The following LAPTM4B variants were observed in gnomAD, a reference collection of about 807,000 sequenced individuals.
LAPTM4B encodes the protein lysosomal-associated transmembrane protein 4B.
In LAPTM4B, 26 loss-of-function variants were observed where a neutral mutation model predicts 28.5. The observed-to-expected ratio is 0.91, with a 90% CI of 0.67 to 1.27. LAPTM4B has a LOEUF of 1.27. Among genes scored for constraint, LAPTM4B ranks in the 50% most tolerant of loss-of-function variants. The pLI, the probability that LAPTM4B is intolerant of heterozygous loss-of-function variation, is 0.00. For missense variants in LAPTM4B, 288 were observed against 285.8 expected (o/e 1.01, Z -0.06); for synonymous variants, 109 against 106.4 (o/e 1.02, Z -0.15).
intron 6 of LAPTM4B, among the ~76,000 whole-genome samples, chr8:97,842,717 C>T (rs1285237414): frequency 1.3e-5 from 2 of 151,936 alleles, no homozygotes; most frequent in Admixed American, 6.6e-5. Flanking sequence ...CGGAGTTTCA[C>T]CATATTGGCC....
intron 2 of LAPTM4B, among the ~76,000 whole-genome samples, chr8:97,810,484 C>A (rs192539613): frequency 2.0e-5 from 3 of 152,108 alleles, no homozygotes; most frequent in African/African-American, 7.2e-5. Context: ...GAAGGGTATA[C>A]GTGAATTCTG....
At chr8:97,815,960 T>A in intron 3 of LAPTM4B, 98 bp from the exon 4 acceptor site, 1 of 1,222,182 alleles carries the variant, frequency 8.2e-7, no homozygotes, top group Non-Finnish European at 1.1e-6. Context: ...ATTCCAATTT[T>A]TCCATTTCCT....
chr8:97,851,294 T>A, intron 6 of LAPTM4B, 103 bp from the exon 7 acceptor site: 1 of 916,484 alleles, frequency 1.1e-6, no homozygotes, highest in South Asian at 1.4e-5. Context: ...TTGGTACAAG[T>A]TGTGGAACAT....
chr8:97,790,517 G>A (rs1816481862), intron 1 of LAPTM4B, among the ~76,000 whole-genome samples: 1 of 151,814 alleles, frequency 6.6e-6, no homozygotes, highest in South Asian at 2.1e-4. Context: ...TCACTATGTT[G>A]GCCAGGCTGG....
At chr8:97,829,649 G>C (rs1307625642) in intron 6 of LAPTM4B, among the ~76,000 whole-genome samples, 3 of 151,914 alleles carry the variant, frequency 2.0e-5, no homozygotes, top group Non-Finnish European at 4.4e-5. Flanking sequence ...CAGCCTGTTA[G>C]TATGAGATAT....
chr8:97,830,357 G>A (rs907458564), intron 6 of LAPTM4B, among the ~76,000 whole-genome samples: 1 of 152,122 alleles, frequency 6.6e-6, no homozygotes, highest in Non-Finnish European at 1.5e-5. Flanking sequence ...TCCACTCTAG[G>A]AGAGAGTTAA....
chr8:97,832,522 T>C (rs1487099242), intron 6 of LAPTM4B, among the ~76,000 whole-genome samples: 1 of 152,158 alleles, frequency 6.6e-6, no homozygotes, highest in South Asian at 2.1e-4. Flanking sequence ...AATGAGCCAT[T>C]TTTTAAAATT....
chr8:97,818,348 G>C (rs959190725), intron 4 of LAPTM4B, among the ~76,000 whole-genome samples: 1 of 117,710 alleles, frequency 8.5e-6, no homozygotes, highest in African/African-American at 2.9e-5. Flanking sequence ...ACATAGTGTT[G>C]AATGGTGAAG....
intron 1 of LAPTM4B, among the ~76,000 whole-genome samples, chr8:97,796,984 C>T (rs117591590): frequency 1.7e-3 from 262 of 151,886 alleles, no homozygotes; most frequent in Non-Finnish European, 2.1e-3. Flanking sequence ...AAGAAATGGC[C>T]GGGTACAATG....
intron 1 of LAPTM4B, among the ~76,000 whole-genome samples, chr8:97,778,457 C>A (rs1816260115): frequency 1.3e-5 from 2 of 152,022 alleles, no homozygotes. Context: ...CAGCCCCTTA[C>A]CCACCCGCTT....
intron 3 of LAPTM4B, 54 bp from the exon 4 acceptor site, chr8:97,816,004 A>G: frequency 6.8e-7 from 1 of 1,478,464 alleles, no homozygotes; most frequent in Non-Finnish European, 9.1e-7. Context: ...ATTTAAGAAA[A>G]ATATTGTTTT....
intron 1 of LAPTM4B, among the ~76,000 whole-genome samples, chr8:97,785,626 AT>A (rs1341232681): frequency 6.6e-6 from 1 of 152,222 alleles, no homozygotes; most frequent in Non-Finnish European, 1.5e-5. Flanking sequence ...TTATAAGTGC[AT>A]TTTTAAAGAC....
rs561329470 is a variant in LAPTM4B, at chr8:97,838,732, C to A, written c.604-12665C>A. On this transcript the variant is annotated intron_variant, in intron 6 of 6. Coordinates refer to ENST00000521545, the MANE Select transcript of LAPTM4B (RefSeq NM_018407.6). ...CAGGATGAGGAGTGAAACATGTGGACACTTTTTCATTCAGACAGTTCTTCT... is the reference window on the plus strand; with the variant it reads ...CAGGATGAGGAGTGAAACATGTGGAAACTTTTTCATTCAGACAGTTCTTCT... Among the ~76,000 whole-genome samples, 14 of 152,266 alleles carry A rather than the reference C, an allele frequency of 9.2e-5. No homozygotes were observed. In the East Asian group the frequency reaches 2.7e-3, roughly 29 times the overall value.
At chr8:97,840,591 A>G (rs533742619) in intron 6 of LAPTM4B, among the ~76,000 whole-genome samples, 3 of 152,016 alleles carry the variant, frequency 2.0e-5, no homozygotes, top group South Asian at 4.1e-4. Context: ...CAATAGCACT[A>G]TTATTTTAGG....
At position 97,840,868 on chromosome 8, in the gene LAPTM4B, A is replaced by G. The variant is rs560107108; in HGVS notation, c.604-10529A>G. Among the ~76,000 whole-genome samples, 3 of 147,410 alleles carry G rather than the reference A, an allele frequency of 2.0e-5. No individual in the cohort carries two copies. In the East Asian group the frequency reaches 6.1e-4, roughly 30 times the overall value. ...GGCAGAGGCGCTCCTCACTTCCCAG[A>G]CGGTGGGTAGCTGGGCAGAGGCGCT... On this transcript the variant is annotated intron_variant, in intron 6 of 6. Transcript: ENST00000521545.
chr8:97,819,854 C>T (rs929074301), intron 5 of LAPTM4B, among the ~76,000 whole-genome samples: 1 of 151,424 alleles, frequency 6.6e-6, no homozygotes, highest in Non-Finnish European at 1.5e-5. Context: ...CTTGCCTCAG[C>T]CTCCCCAGTA....
chr8:97,790,710 T>G (rs971058840), intron 1 of LAPTM4B, among the ~76,000 whole-genome samples: 2 of 152,122 alleles, frequency 1.3e-5, no homozygotes, highest in African/African-American at 4.8e-5. Flanking sequence ...CTTCTCAAAG[T>G]GTTGGACTAT....
intron 6 of LAPTM4B, among the ~76,000 whole-genome samples, chr8:97,843,717 T>G (rs1346676059): frequency 2.0e-5 from 3 of 151,752 alleles, no homozygotes; most frequent in African/African-American, 7.3e-5. Flanking sequence ...GAGACAGAGG[T>G]TGCATGAGCC....
chr8:97,817,213 C>T (rs955326706), intron 4 of LAPTM4B, among the ~76,000 whole-genome samples: 10 of 152,018 alleles, frequency 6.6e-5, no homozygotes, highest in Non-Finnish European at 1.5e-4. Context: ...CTTGCTGCAG[C>T]GTTGACCTCC....
Sources: allele counts gnomAD v4.1 joint callset (sites outside exome capture counted in the v4.1 genomes callset), GRCh38; gene constraint gnomAD v4.1.1; transcripts MANE v1.5; gene names NCBI Gene and HGNC (gene_info 2026-07-23, HGNC 2026-07-21).